HSD17B11: variants seen among roughly 807,000 people sequenced by gnomAD.
HSD17B11 encodes the protein hydroxysteroid 17-beta dehydrogenase 11, also known as estradiol 17-beta-dehydrogenase 11.
In HSD17B11, 22 loss-of-function variants were observed where a neutral mutation model predicts 27.8. That is an observed-to-expected ratio of 0.79 (90% CI 0.56 to 1.13). HSD17B11 has a LOEUF of 1.13. Ranked by LOEUF, HSD17B11 falls within the 50% of genes most tolerant of loss-of-function variation. The pLI, the probability that HSD17B11 is intolerant of heterozygous loss-of-function variation, is 0.00. For synonymous variants in HSD17B11, 117 were observed against 132.8 expected (o/e 0.88, Z 0.82); for missense variants, 314 against 351.1 (o/e 0.89, Z 0.84).
At chr4:87,378,921 T>A (rs1720039916) in intron 2 of HSD17B11, among the ~76,000 whole-genome samples, 1 of 16,560 alleles carries the variant, frequency 6.0e-5, no homozygotes, top group African/African-American at 5.0e-4. Flanking sequence ...TATATATAAA[T>A]ATATATAAAT....
At chr4:87,365,177 AAG>A (rs1735592604) in intron 4 of HSD17B11, among the ~76,000 whole-genome samples, 1 of 152,214 alleles carries the variant, frequency 6.6e-6, no homozygotes, top group South Asian at 2.1e-4. Flanking sequence ...CTCAAAAAAA[AAG>A]AAACTGGCAA....
intron 4 of HSD17B11, among the ~76,000 whole-genome samples, chr4:87,364,245 G>C (rs1353863466): frequency 2.1e-5 from 3 of 145,816 alleles, no homozygotes; most frequent in Non-Finnish European, 3.0e-5. Flanking sequence ...GAAAAACAAA[G>C]GCAGCACCAC....
intron 4 of HSD17B11, among the ~76,000 whole-genome samples, chr4:87,364,354 T>G (rs531943009): frequency 6.6e-6 from 1 of 152,038 alleles, no homozygotes; most frequent in East Asian, 1.9e-4. Flanking sequence ...CCTCTCAAAA[T>G]CAAAGGCTCT....
rs1387524149 is a variant in HSD17B11 at position 87,378,849 on chromosome 4, TATATATAA to T, written c.318+3398_318+3405del. Among the ~76,000 whole-genome samples the T allele has an allele frequency of 7.1e-4, 19 of 26,816 alleles. 2 individuals carry two copies. The highest frequency in any genetic ancestry group is 6.0e-3 in the South Asian group (9 of 1,492). The allele number at this position is 26,816 out of a possible 152,430, so 17.6% of individuals were successfully genotyped here. On this transcript the variant is annotated intron_variant, in intron 2 of 6. Transcript: ENST00000358290. ...ATATATAAATATATATATATAAATA[TATATATAA>T]ATATATATAAATATATATATATAAA...
chr4:87,378,889 TA>T (rs1560769316), intron 2 of HSD17B11, among the ~76,000 whole-genome samples: 6 of 10,896 alleles, frequency 5.5e-4, no homozygotes, highest in Admixed American at 1.9e-3. Flanking sequence ...TAAATATATA[TA>T]TATAAATATA....
intron 4 of HSD17B11, among the ~76,000 whole-genome samples, chr4:87,359,277 A>AG (rs1735460410): frequency 6.6e-6 from 1 of 152,252 alleles, no homozygotes; most frequent in African/African-American, 2.4e-5. Flanking sequence ...TGAGATTAAA[A>AG]GCTTCTGTAT....
At chr4:87,342,712 A>G (rs73841141) in intron 5 of HSD17B11, among the ~76,000 whole-genome samples, 8,308 of 152,266 alleles carry the variant, frequency 0.055, 726 homozygotes, top group African/African-American at 0.19. Context: ...TAGAGCTTAA[A>G]AATATATAAG....
intron 3 of HSD17B11, 127 bp downstream of exon 3, chr4:87,374,572 A>T: frequency 2.5e-6 from 2 of 791,896 alleles, no homozygotes; most frequent in Non-Finnish European, 2.0e-6. Flanking sequence ...CTCTTTGTAT[A>T]ATGTTATCCC....
intron 4 of HSD17B11, among the ~76,000 whole-genome samples, chr4:87,369,401 T>C (rs1415764464): frequency 6.6e-6 from 1 of 151,636 alleles, no homozygotes; most frequent in African/African-American, 2.4e-5. Flanking sequence ...CTGAAAAAAA[T>C]AGTCTGAATT....
chr4:87,381,196 A>C lies in HSD17B11; in HGVS notation c.318+1059T>G, dbSNP rs1348434173. Among the ~76,000 whole-genome samples the C allele has an allele frequency of 6.7e-5, 10 of 149,538 alleles. No individual in the cohort carries two copies. In the South Asian group the frequency reaches 1.7e-3, roughly 26 times the overall value. On this transcript the variant is annotated intron_variant, in intron 2 of 6. Transcript: ENST00000358290. ...AGTGAGACTCCATTTCAAAAAAAAA[A>C]AAAAAAAAAAAGAACTCAAACCAAA...
At chr4:87,353,140 C>T (rs1216015581) in intron 5 of HSD17B11, among the ~76,000 whole-genome samples, 3 of 102,946 alleles carry the variant, frequency 2.9e-5, no homozygotes, top group Non-Finnish European at 5.9e-5. Flanking sequence ...ATCTTGGCTC[C>T]TCCCTCTAGT....
intron 5 of HSD17B11, among the ~76,000 whole-genome samples, chr4:87,344,698 A>G (rs923882679): frequency 6.6e-6 from 1 of 152,240 alleles, no homozygotes; most frequent in Non-Finnish European, 1.5e-5. Flanking sequence ...AATACACATT[A>G]TTCTCAAGAA....
In HSD17B11 at chr4:87,391,102, T is replaced by G. The variant is rs373060908; in HGVS notation, c.-32A>C. ...TGTGGCTGCGAGCGTTTGGTGTGTT[T>G]TTTTTTTTTTTTACCACTCTAAACT... On this transcript the variant is annotated 5_prime_UTR_variant, in exon 1 of 7. Transcript: ENST00000358290. 2.6e-4 allele frequency: 359 copies of G among 1,373,220 alleles called. No homozygotes were observed. The highest frequency in any genetic ancestry group is 3.1e-4 in the Non-Finnish European group (311 of 1,014,582). The allele number at this position is 1,373,220 out of a possible 1,614,324, so 85.1% of individuals were successfully genotyped here.
intron 5 of HSD17B11, among the ~76,000 whole-genome samples, chr4:87,352,829 C>T (rs1735310007): frequency 3.1e-5 from 1 of 32,270 alleles, no homozygotes; most frequent in Non-Finnish European, 5.8e-5. Context: ...CGTGGTGCGC[C>T]GTTTCTTAAG....
chr4:87,341,164 G>T (rs992398362), intron 5 of HSD17B11, among the ~76,000 whole-genome samples: 2 of 151,290 alleles, frequency 1.3e-5, no homozygotes, highest in African/African-American at 4.9e-5. Flanking sequence ...GGTTGTTGTT[G>T]TTTTTTTTGG....
At chr4:87,378,935 T>A (rs1471130738) in intron 2 of HSD17B11, among the ~76,000 whole-genome samples, 1 of 25,106 alleles carries the variant, frequency 4.0e-5, no homozygotes, top group Non-Finnish European at 6.7e-5. Flanking sequence ...TATAAATATA[T>A]ATATATATAT....
intron 2 of HSD17B11, among the ~76,000 whole-genome samples, chr4:87,378,960 A>ATATATATATATATTT (rs1720051475): frequency 3.9e-5 from 1 of 25,626 alleles, no homozygotes; most frequent in African/African-American, 3.0e-4. Flanking sequence ...ATATATATAT[A>ATATATATATATATTT]TTTTTTTTTT....
At chr4:87,356,106 G>A (rs1475310643) in intron 5 of HSD17B11, among the ~76,000 whole-genome samples, 4 of 152,298 alleles carry the variant, frequency 2.6e-5, no homozygotes, top group Non-Finnish European at 5.9e-5. Context: ...GATTAAAAGA[G>A]TCACAGAAGG....
At chr4:87,355,022 G>A (rs1441943569) in intron 5 of HSD17B11, among the ~76,000 whole-genome samples, 1 of 151,746 alleles carries the variant, frequency 6.6e-6, no homozygotes, top group Non-Finnish European at 1.5e-5. Context: ...AGGAGGCTGA[G>A]GTGGAGGGTT....
Sources: gnomAD v4.1 joint callset for allele counts (sites outside exome capture counted in the v4.1 genomes callset) on GRCh38, gnomAD v4.1.1 for gene constraint, MANE v1.5 for transcripts, NCBI Gene and HGNC (gene_info 2026-07-23, HGNC 2026-07-21) for gene names.